TYRO3: variants seen among roughly 807,000 people sequenced by gnomAD.
TYRO3 encodes the protein TYRO3 protein tyrosine kinase, also known as tyrosine-protein kinase receptor TYRO3.
A neutral mutation model predicts 95.2 loss-of-function variants in TYRO3; 38 were observed. The observed-to-expected ratio is 0.40, with a 90% CI of 0.31 to 0.52. TYRO3 has a LOEUF of 0.52. Among genes scored for constraint, TYRO3 ranks in the 20% least tolerant of loss-of-function variants. TYRO3 has a pLI of 0.56. For synonymous variants in TYRO3, 367 were observed against 432.9 expected, an observed-to-expected ratio of 0.85 and a Z score of 1.89; for missense variants, 812 against 1,116.4, an observed-to-expected ratio of 0.73 and a Z score of 3.89.
chr15:41,570,688 T>C lies in TYRO3; in HGVS notation c.1568T>C (p.Met523Thr), dbSNP rs2055784112. The C allele has an allele frequency of 6.2e-7, 1 of 1,614,110 alleles. No homozygotes were observed. The highest frequency in any genetic ancestry group is 8.5e-7 in the Non-Finnish European group (1 of 1,180,014). ...GAGCAGCAGTTCACCCTGGGCCGGA[T>C]GTTGGGCAAAGGTATGTGAGGCTGT... ...IPEQQFTLGR[M>T]LGKGEFGSVR... The change falls in exon 12 of 19, where the codon ATG becomes ACG. Residue 523 changes from methionine to threonine, a missense_variant. By Grantham distance (81) the Met-to-Thr change is moderately conservative (BLOSUM62 -1). Transcript: ENST00000263798.
chr15:41,561,918 C>G (rs1453343839), intron 3 of TYRO3: 1 of 317,764 alleles, frequency 3.1e-6, no homozygotes, highest in Non-Finnish European at 5.9e-6. Context: ...TGGGACTGGA[C>G]CCTGTTCTGC....
chr15:41,562,896 G>C (rs2140818936), intron 4 of TYRO3, among the ~76,000 whole-genome samples, 178 bp downstream of exon 4: 1 of 152,320 alleles, frequency 6.6e-6, no homozygotes, highest in East Asian at 1.9e-4. Context: ...AGGCTGGCTG[G>C]GTGGGCTGAT....
At chr15:41,564,129 C>A in intron 4 of TYRO3, 55 bp from the exon 5 acceptor site, 1 of 1,510,248 alleles carries the variant, frequency 6.6e-7, no homozygotes, top group South Asian at 1.1e-5. Context: ...CTTTCCCAGT[C>A]CCGCACTGAG....
intron 13 of TYRO3, 23 bp downstream of exon 13, chr15:41,571,141 C>T: frequency 6.2e-7 from 1 of 1,611,106 alleles, no homozygotes; most frequent in Non-Finnish European, 8.5e-7. Flanking sequence ...TAGCTGTAGC[C>T]TGAGGGCATC....
At chr15:41,562,450 T>C in intron 3 of TYRO3, 98 bp from the exon 4 acceptor site, 1 of 1,257,888 alleles carries the variant, frequency 7.9e-7, no homozygotes, top group Non-Finnish European at 1.1e-6. Flanking sequence ...TGTGGGAACC[T>C]TCTGCGTGGA....
At chr15:41,568,710 C>G (rs1018378420) in intron 8 of TYRO3, among the ~76,000 whole-genome samples, 168 bp from the exon 9 acceptor site, 1 of 152,082 alleles carries the variant, frequency 6.6e-6, no homozygotes, top group African/African-American at 2.4e-5. Flanking sequence ...CCCCTGCAGC[C>G]GGGAACAGGA....
intron 3 of TYRO3, 68 bp downstream of exon 3, chr15:41,561,707 TG>T: frequency 1.6e-6 from 2 of 1,223,504 alleles, no homozygotes; most frequent in South Asian, 2.7e-5. Flanking sequence ...ACTATACCTC[TG>T]CAGCGGAGAA....
chr15:41,564,805 A>T, intron 5 of TYRO3: 1 of 539,830 alleles, frequency 1.9e-6, no homozygotes, highest in Non-Finnish European at 3.4e-6. Context: ...TGGCAGGGAG[A>T]GGCAACCTCT....
At position 41,569,231 on chromosome 15, in the gene TYRO3, C is replaced by T. The variant is rs180694623; in HGVS notation, c.1252+209C>T. Among the ~76,000 whole-genome samples the T allele has an allele frequency of 8.0e-4, 121 of 150,464 alleles. 1 individual carries two copies. In the South Asian group the frequency reaches 0.019, roughly 24 times the overall value. On this transcript the variant is annotated intron_variant, in intron 9 of 18. Transcript: ENST00000263798. ...CCAACATTTTGGGAGGTTGAGGGATCGCTTGAGGCCGGCAGTTTGAGACCA... is the reference window on the plus strand; with the variant it reads ...CCAACATTTTGGGAGGTTGAGGGATTGCTTGAGGCCGGCAGTTTGAGACCA...
intron 6 of TYRO3, among the ~76,000 whole-genome samples, chr15:41,566,940 C>T (rs559929459): frequency 1.6e-4 from 25 of 152,290 alleles, no homozygotes; most frequent in African/African-American, 5.3e-4. Flanking sequence ...TTCATAGTGC[C>T]CTAGGCTCCC....
At chr15:41,570,857 T>C (rs1595503670) in intron 12 of TYRO3, 158 bp downstream of exon 12, 2 of 928,050 alleles carry the variant, frequency 2.2e-6, no homozygotes, top group East Asian at 2.5e-5. Flanking sequence ...GAATGGTGGC[T>C]GGAGACAGGG....
chr15:41,573,671 T>C lies in TYRO3; in HGVS notation c.2146-8T>C. Reference sequence around the variant, plus strand: ...ACAGCTTCTCCCCCAACCTCGATTCTGTCCCAGTGGGCGTTCGGGGTGACC... The same window carrying C: ...ACAGCTTCTCCCCCAACCTCGATTCCGTCCCAGTGGGCGTTCGGGGTGACC... On this transcript the variant is annotated splice_polypyrimidine_tract_variant and splice_region_variant and intron_variant, in intron 17 of 18. Coordinates refer to ENST00000263798, the MANE Select transcript of TYRO3 (RefSeq NM_006293.4). 1.8e-6 allele frequency: 2 copies of C among 1,131,694 alleles called. No homozygotes were observed. Among genetic ancestry groups the C allele is most frequent in the Non-Finnish European group, 2.5e-6 (2 of 799,762 alleles). 70.1% of individuals were successfully genotyped at this position (1,131,694 alleles called of 1,614,324 possible).
At chr15:41,574,220 G>C (rs1202773072) in intron 18 of TYRO3, among the ~76,000 whole-genome samples, 1 of 151,872 alleles carries the variant, frequency 6.6e-6, no homozygotes, top group Non-Finnish European at 1.5e-5. Flanking sequence ...TTGTCCTGGA[G>C]ACCCCAGCTA....
intron 18 of TYRO3, among the ~76,000 whole-genome samples, chr15:41,575,089 T>C (rs932304293): frequency 6.6e-6 from 1 of 152,212 alleles, no homozygotes; most frequent in Non-Finnish European, 1.5e-5. Flanking sequence ...GCTCCATTTC[T>C]TGCTCTGGGA....
rs986648459 is a variant in TYRO3, at chr15:41,582,045, A to G, written c.*3769A>G. 8 of 152,008 alleles carry G rather than the reference A, an allele frequency of 5.3e-5. No homozygotes were observed. The highest frequency in any genetic ancestry group is 1.9e-4 in the African/African-American group (8 of 41,328). The allele number at this position is 152,008 out of a possible 1,614,324, so 9.4% of individuals were successfully genotyped here. On this transcript the variant is annotated 3_prime_UTR_variant, in exon 19 of 19. Transcript: ENST00000263798. ...CTGCCTCAATCTCTGCCTCCTCCCT[A>G]CTCCCCATAGGTAACCTCTATCCTG...
Position 41,569,965 on chromosome 15 carries a change from A to G in TYRO3, c.1253-62A>G, listed in dbSNP as rs964582546. On this transcript the variant is annotated intron_variant, in intron 9 of 18. Coordinates refer to ENST00000263798, the MANE Select transcript of TYRO3 (RefSeq NM_006293.4). ...GAACCAGCTGGATGGCCATCCTGGG[A>G]AAGTTCTGAAGGGACCTCATGGTGT... The G allele has an allele frequency of 2.0e-5, 32 of 1,562,264 alleles. No homozygotes were observed. The Admixed American group carries it at 5.2e-4, about 26-fold the overall frequency.
rs1321556315 is a variant in TYRO3 at position 41,579,789 on chromosome 15, A to T, written c.*1513A>T. ...TTTTTTTTTTTTGAGACCGAGTCTC[A>T]CTCTGTCGCCCAGGCTGGAGTGCAA... On this transcript the variant is annotated 3_prime_UTR_variant, in exon 19 of 19. Coordinates refer to ENST00000263798, the MANE Select transcript of TYRO3 (RefSeq NM_006293.4). The T allele has an allele frequency of 2.8e-5, 4 of 142,626 alleles. No homozygotes were observed. The highest frequency in any genetic ancestry group is 2.0e-4 in the East Asian group (1 of 4,936). 8.8% of individuals were successfully genotyped at this position (142,626 alleles called of 1,614,324 possible).
chr15:41,573,594 G>T (rs2055826612), intron 17 of TYRO3, 85 bp from the exon 18 acceptor site: 24 of 1,444,316 alleles, frequency 1.7e-5, no homozygotes, highest in Non-Finnish European at 2.2e-5. Flanking sequence ...TGAGCCCCAG[G>T]TTGTGCTTGT....
intron 9 of TYRO3, 56 bp downstream of exon 9, chr15:41,569,078 C>T (rs748903668): frequency 7.1e-5 from 114 of 1,596,972 alleles, no homozygotes; most frequent in Non-Finnish European, 9.1e-5. Flanking sequence ...TTTTCAAGGG[C>T]AACCTAGACT....
Sources: allele counts gnomAD v4.1 joint callset (sites outside exome capture counted in the v4.1 genomes callset), GRCh38; gene constraint gnomAD v4.1.1; transcripts MANE v1.5; gene names NCBI Gene and HGNC (gene_info 2026-07-23, HGNC 2026-07-21).